The following AFG2A variants were observed in gnomAD, a reference collection of about 807,000 sequenced individuals.
AFG2A encodes the protein ATPase family gene 2 protein homolog A.
chr4:123,096,084 A>G, the AFG2A span, among the ~76,000 whole-genome samples: 8 of 152,130 alleles, frequency 5.3e-5, no homozygotes, highest in Non-Finnish European at 7.4e-5. Context: ...ACTCCTTGCT[A>G]TGTCACATTT....
chr4:123,056,557 G>A, the AFG2A span: 82 of 678,060 alleles, frequency 1.2e-4, no homozygotes, highest in Middle Eastern at 2.8e-4. Context: ...GATCTTAGTG[G>A]TATTTTTTTT....
chr4:123,230,914 A>G, the AFG2A span, among the ~76,000 whole-genome samples: 1 of 152,030 alleles, frequency 6.6e-6, no homozygotes, highest in Non-Finnish European at 1.5e-5. Context: ...ATTTTATCTG[A>G]GTAGTAAGTT....
chr4:123,235,557 C>T, the AFG2A span, among the ~76,000 whole-genome samples: 6 of 152,222 alleles, frequency 3.9e-5, no homozygotes, highest in Admixed American at 6.5e-5. Context: ...AAGACCACAA[C>T]GAGTAGTCCT....
the AFG2A span, among the ~76,000 whole-genome samples, chr4:123,107,032 A>T: frequency 6.6e-6 from 1 of 152,020 alleles, no homozygotes; most frequent in African/African-American, 2.4e-5. Context: ...CACATCTTCC[A>T]CTCTGTGCAC....
At chr4:123,274,134 G>A in the AFG2A span, among the ~76,000 whole-genome samples, 53 of 152,042 alleles carry the variant, frequency 3.5e-4, no homozygotes, top group Admixed American at 1.2e-3. Context: ...TATTCTTAAA[G>A]GGTTTCCTCA....
At chr4:122,944,559 A>T in the AFG2A span, among the ~76,000 whole-genome samples, 9 of 152,128 alleles carry the variant, frequency 5.9e-5, no homozygotes, top group Non-Finnish European at 1.0e-4. Flanking sequence ...CAAAGTTTTC[A>T]ACTTCTTTGC....
chr4:123,208,546 G>T, the AFG2A span, among the ~76,000 whole-genome samples: 1 of 152,158 alleles, frequency 6.6e-6, no homozygotes, highest in Non-Finnish European at 1.5e-5. Context: ...AGTAATATGA[G>T]ACCAAATTTT....
chr4:123,164,731 T>C, the AFG2A span, among the ~76,000 whole-genome samples: 2 of 152,204 alleles, frequency 1.3e-5, no homozygotes, highest in African/African-American at 2.4e-5. Flanking sequence ...CCTTTGAGAA[T>C]TTTCTTAGCA....
the AFG2A span, among the ~76,000 whole-genome samples, chr4:123,043,694 CAAAA>C: frequency 6.6e-6 from 1 of 152,078 alleles, no homozygotes; most frequent in African/African-American, 2.4e-5. Context: ...GATTAAGAAA[CAAAA>C]AGAAGTCAGA....
the AFG2A span, among the ~76,000 whole-genome samples, chr4:122,943,602 G>T: frequency 6.6e-6 from 1 of 152,038 alleles, no homozygotes; most frequent in Non-Finnish European, 1.5e-5. Flanking sequence ...TTGCCAGTCT[G>T]TGTCTTTTAA....
chr4:123,011,934 GGAGAAGGGGTGGGTAGAGACATGGA>G, the AFG2A span, among the ~76,000 whole-genome samples: 1 of 149,576 alleles, frequency 6.7e-6, no homozygotes, highest in African/African-American at 2.5e-5. Context: ...CCAGGAAAGT[GGAGAAGGGGTGGGTAGAGACATGGA>G]GAGAAGGGGT....
chr4:123,129,678 C>T, the AFG2A span, among the ~76,000 whole-genome samples: 6 of 152,054 alleles, frequency 3.9e-5, no homozygotes, highest in Non-Finnish European at 7.3e-5. Flanking sequence ...TTCTGGTCTG[C>T]CTAGCCACAG....
At chr4:123,275,145 G>A in the AFG2A span, among the ~76,000 whole-genome samples, 1 of 152,058 alleles carries the variant, frequency 6.6e-6, no homozygotes, top group East Asian at 1.9e-4. Context: ...CAAGTTAAAT[G>A]TGAACAACAG....
At chr4:123,185,878 G>A in the AFG2A span, among the ~76,000 whole-genome samples, 10 of 151,444 alleles carry the variant, frequency 6.6e-5, no homozygotes, top group Non-Finnish European at 1.5e-4. Flanking sequence ...GCAACAGAGC[G>A]AGACTCCGTC....
the AFG2A span, among the ~76,000 whole-genome samples, chr4:123,130,931 T>G: frequency 1.4e-5 from 1 of 72,988 alleles, no homozygotes. Context: ...TTGTCAGTGT[T>G]TTTTTTTTCT....
At chr4:123,075,697 C>T in the AFG2A span, among the ~76,000 whole-genome samples, 1 of 150,770 alleles carries the variant, frequency 6.6e-6, no homozygotes, top group African/African-American at 2.4e-5. Context: ...GTGGCTCACG[C>T]CTGTAATCCT....
At chr4:122,923,258 T>C in the AFG2A span, 1 of 1,613,962 alleles carries the variant, frequency 6.2e-7, no homozygotes, top group Middle Eastern at 1.6e-4. Flanking sequence ...GGATCAGACT[T>C]CGCGGCAACC....
At chr4:123,146,694 A>T in the AFG2A span, among the ~76,000 whole-genome samples, 138,199 of 152,258 alleles carry the variant, frequency 0.91, 62,962 homozygotes, top group East Asian at 0.98. Flanking sequence ...TTTTATCTGA[A>T]CATGTTGCAG....
At chr4:123,119,015 A>G in the AFG2A span, among the ~76,000 whole-genome samples, 1 of 152,134 alleles carries the variant, frequency 6.6e-6, no homozygotes, top group South Asian at 2.1e-4. Flanking sequence ...TAGAGTGATA[A>G]CTTAAGATAC....
Sources: allele counts gnomAD v4.1 joint callset (sites outside exome capture counted in the v4.1 genomes callset), GRCh38; gene constraint gnomAD v4.1.1; transcripts MANE v1.5; gene names NCBI Gene and HGNC (gene_info 2026-07-23, HGNC 2026-07-21).